The following NBPF26 variants were observed in gnomAD, a reference collection of about 807,000 sequenced individuals.
NBPF26 encodes the protein NBPF member 26, also known as NBPF family member NBPF26.
Under a neutral mutation model 119.6 loss-of-function variants are expected in NBPF26, and 79 were observed. The ratio of observed to expected loss-of-function variants is 0.66; its 90% CI spans 0.55 to 0.80. The LOEUF (loss-of-function observed/expected upper bound fraction) is 0.80, where lower values mean the gene tolerates loss of function less well. NBPF26 is among the 30% of genes least tolerant of loss of function. The pLI, the probability that NBPF26 is intolerant of heterozygous loss-of-function variation, is 0.00. For synonymous variants in NBPF26, 299 were observed against 457.7 expected (o/e 0.65, Z 4.43); for missense variants, 800 against 1,198.2 (o/e 0.67, Z 4.91).
rs1482654760 is a variant in NBPF26 at position 120,810,619 on chromosome 1, G to A, written c.1564+61G>A. On this transcript the variant is annotated intron_variant, in intron 9 of 29. Transcript: ENST00000620612. ...CTAGGCTATGGAAGGTCAATTCTGA[G>A]GACAGGCTGTATATACACATATTGT... 5.6e-4 allele frequency: 757 copies of A among 1,343,550 alleles called. 62 individuals are homozygous for A. The highest frequency in any genetic ancestry group is 7.3e-4 in the Non-Finnish European group (725 of 989,360). 83.2% of individuals were successfully genotyped at this position (1,343,550 alleles called of 1,614,324 possible).
At chr1:120,812,964 A>C (rs1203207877) in intron 10 of NBPF26, among the ~76,000 whole-genome samples, 1 of 117,704 alleles carries the variant, frequency 8.5e-6, no homozygotes. Context: ...TAATAAATAA[A>C]AATAAGAATA....
At chr1:120,779,998 C>T (rs1651344641) in intron 2 of NBPF26, among the ~76,000 whole-genome samples, 1 of 131,592 alleles carries the variant, frequency 7.6e-6, no homozygotes, top group East Asian at 2.0e-4. Context: ...CTCAGGATGA[C>T]TATTAGGTTG....
At position 120,807,417 on chromosome 1, in the gene NBPF26, C is replaced by T. The variant is rs1413791952; in HGVS notation, c.962-190C>T. On this transcript the variant is annotated intron_variant, in intron 5 of 29. Coordinates refer to ENST00000620612, the Ensembl canonical transcript of NBPF26. ...CGCCCTTGAGTTTCTCTTTCTTCGT[C>T]TTTAAATTTTGGAGGATCAGATGCC... is the stretch of plus-strand genomic sequence containing the variant. Among the ~76,000 whole-genome samples the T allele has an allele frequency of 1.6e-4, 20 of 122,342 alleles. 2 individuals are homozygous for T. The highest frequency in any genetic ancestry group is 3.1e-4 in the Non-Finnish European group (19 of 60,844). 80.3% of individuals were successfully genotyped at this position (122,342 alleles called of 152,430 possible). A position where few individuals can be genotyped will look rare whatever the true frequency, so the allele number is the denominator to read the frequency against.
chr1:120,813,676 T>C (rs1185915150), intron 10 of NBPF26, among the ~76,000 whole-genome samples: 1 of 129,230 alleles, frequency 7.7e-6, no homozygotes, highest in Non-Finnish European at 1.6e-5. Flanking sequence ...TTCCTTGATG[T>C]GCCCTTGAGG....
At chr1:120,814,405 C>G (rs1159156169) in intron 11 of NBPF26, among the ~76,000 whole-genome samples, 1 of 107,912 alleles carries the variant, frequency 9.3e-6, no homozygotes, top group Non-Finnish European at 1.7e-5. Context: ...CCCTGTCATT[C>G]TTTTCTTCTT....
rs1418368347 is a variant in NBPF26, at chr1:120,726,346, T to C, written c.73+2096T>C. On this transcript the variant is annotated intron_variant, in intron 1 of 29. Coordinates refer to ENST00000620612, the Ensembl canonical transcript of NBPF26. ...TAGAAGAGATTTAGAAGCCGTTTCT[T>C]GGTACAAATCTTAAATCTTCTTAGA... Among the ~76,000 whole-genome samples the C allele has an allele frequency of 2.0e-4, 6 of 30,566 alleles. 2 individuals are homozygous for C. Among genetic ancestry groups the C allele is most frequent in the Non-Finnish European group, 2.9e-4 (5 of 17,132 alleles). The allele number at this position is 30,566 out of a possible 152,430, so 20.1% of individuals were successfully genotyped here. A position where few individuals can be genotyped will look rare whatever the true frequency, so the allele number is the denominator to read the frequency against.
chr1:120,812,947 A>T (rs1651907468), intron 10 of NBPF26, among the ~76,000 whole-genome samples: 2 of 117,816 alleles, frequency 1.7e-5, no homozygotes, highest in South Asian at 4.9e-4. Flanking sequence ...AATAATAATA[A>T]TAATAATAAT....
At chr1:120,724,324 T>A (rs1650790581) in intron 1 of NBPF26, 74 bp downstream of exon 1, 3 of 1,361,032 alleles carry the variant, frequency 2.2e-6, no homozygotes, top group Non-Finnish European at 2.9e-6. Context: ...TCCCCCTCAG[T>A]CCTTCTCTGT....
In NBPF26 at chr1:120,724,333, G is replaced by A. The variant is rs1326258544; in HGVS notation, c.73+83G>A. Reference sequence around the variant, plus strand: ...CCCTTCTCCCCCTCAGTCCTTCTCTGTGTGGGAAGGCCAGGCTCGGCCGCC... The same window carrying A: ...CCCTTCTCCCCCTCAGTCCTTCTCTATGTGGGAAGGCCAGGCTCGGCCGCC... On this transcript the variant is annotated intron_variant, in intron 1 of 29. Transcript: ENST00000620612. 13 of 1,359,236 alleles carry A rather than the reference G, an allele frequency of 9.6e-6. 5 individuals are homozygous for A. In the East Asian group the frequency reaches 1.8e-4, roughly 19 times the overall value. 84.2% of individuals were successfully genotyped at this position (1,359,236 alleles called of 1,614,324 possible). A position where few individuals can be genotyped will look rare whatever the true frequency, so the allele number is the denominator to read the frequency against.
rs1358142813 is a variant in NBPF26, at chr1:120,756,067, A to AT, written c.74-7552dup. 2.2e-4 allele frequency among the ~76,000 whole-genome samples: 24 copies of AT among 108,036 alleles called. 4 individuals are homozygous for AT. The highest frequency in any genetic ancestry group is 3.1e-4 in the Non-Finnish European group (18 of 57,994). 70.9% of individuals were successfully genotyped at this position (108,036 alleles called of 152,430 possible). On this transcript the variant is annotated intron_variant, in intron 1 of 29. Transcript: ENST00000620612. ...TTCCGCACTTCTTCTGTTTGTTTGGATTTTTTTTTCATGGCTTGATCCCAA... is the reference window on the plus strand; with the variant it reads ...TTCCGCACTTCTTCTGTTTGTTTGGATTTTTTTTTTCATGGCTTGATCCCAA...
At chr1:120,842,010 T>C (rs1652528957), downstream of NBPF26, among the ~76,000 whole-genome samples, 1 of 88,808 alleles carries the variant, frequency 1.1e-5, no homozygotes, top group Non-Finnish European at 2.0e-5. Flanking sequence ...TTGTTTTTAC[T>C]AGTGTCTGCT....
At chr1:120,781,644 A>G (rs1159890719) in intron 2 of NBPF26, among the ~76,000 whole-genome samples, 1 of 61,994 alleles carries the variant, frequency 1.6e-5, no homozygotes, top group Non-Finnish European at 2.8e-5. Context: ...GCTCACTGCA[A>G]CCTCCAACTT....
At chr1:120,810,987 T>A (rs1651847323) in intron 9 of NBPF26, among the ~76,000 whole-genome samples, 1 of 105,346 alleles carries the variant, frequency 9.5e-6, no homozygotes, top group Admixed American at 9.1e-5. Flanking sequence ...ACACCTGTAA[T>A]CCGAGCACTT....
chr1:120,815,413 A>T (rs1442742037), intron 12 of NBPF26, among the ~76,000 whole-genome samples: 1 of 112,804 alleles, frequency 8.9e-6, no homozygotes, highest in Non-Finnish European at 1.7e-5. Context: ...TAACTGTCAG[A>T]GAGTGAATGA....
chr1:120,784,310 A>T (rs1651398519), intron 2 of NBPF26, among the ~76,000 whole-genome samples: 1 of 117,362 alleles, frequency 8.5e-6, no homozygotes, highest in Admixed American at 8.2e-5. Context: ...ATATGTAAGT[A>T]TTATCCCATT....
chr1:120,767,689 GT>G lies in NBPF26; in HGVS notation c.155+3981del, dbSNP rs1239235574. ...TCTTTCCCTTGTCCTACTGGGAGGT[GT>G]AAATATGTAATTAAATTTGATGTCA... On this transcript the variant is annotated intron_variant, in intron 2 of 29. Transcript: ENST00000620612. Among the ~76,000 whole-genome samples, 2 of 110,956 alleles carry G rather than the reference GT, an allele frequency of 1.8e-5. 1 individual carries two copies. The highest frequency in any genetic ancestry group is 1.1e-4 in the African/African-American group (2 of 17,944). The allele number at this position is 110,956 out of a possible 152,430, so 72.8% of individuals were successfully genotyped here. A position where few individuals can be genotyped will look rare whatever the true frequency, so the allele number is the denominator to read the frequency against.
At chr1:120,820,450 ATATATATATATATAT>A (rs1652107549) in intron 15 of NBPF26, among the ~76,000 whole-genome samples, 1 of 7,724 alleles carries the variant, frequency 1.3e-4, no homozygotes, top group East Asian at 2.0e-3. Flanking sequence ...TATTAAAAAT[ATATATATATATATAT>A]ATATATATAT....
rs1219161870 is a variant in NBPF26, at chr1:120,810,804, A to T, written c.1564+246A>T. On this transcript the variant is annotated intron_variant, in intron 9 of 29. Coordinates refer to ENST00000620612, the Ensembl canonical transcript of NBPF26. Reference sequence around the variant, plus strand: ...CCCATCTTTACAAAGAATACAAAAAATTAGGCAGGCATGGTGCTGCATGCC... The same window carrying T: ...CCCATCTTTACAAAGAATACAAAAATTTAGGCAGGCATGGTGCTGCATGCC... Among the ~76,000 whole-genome samples the T allele has an allele frequency of 2.7e-5, 3 of 110,288 alleles. 1 individual carries two copies. Among genetic ancestry groups the T allele is most frequent in the Admixed American group, 1.7e-4 (2 of 11,712 alleles). The allele number at this position is 110,288 out of a possible 152,430, so 72.4% of individuals were successfully genotyped here.
In NBPF26 at chr1:120,728,789, G is replaced by A. The variant is rs1230452953; in HGVS notation, c.73+4539G>A. On this transcript the variant is annotated intron_variant, in intron 1 of 29. Coordinates refer to ENST00000620612, the Ensembl canonical transcript of NBPF26. The stretch of plus-strand genomic sequence containing the variant: ...AACTTGTACTGGATTGAGAGAATAT[G>A]TACATTTAGTAAAGTATATTTGCTT... Among the ~76,000 whole-genome samples, 2 of 113,006 alleles carry A rather than the reference G, an allele frequency of 1.8e-5. 1 individual carries two copies. The highest frequency in any genetic ancestry group is 1.1e-4 in the African/African-American group (2 of 18,904). The allele number at this position is 113,006 out of a possible 152,430, so 74.1% of individuals were successfully genotyped here.
Sources: allele counts gnomAD v4.1 joint callset (sites outside exome capture counted in the v4.1 genomes callset), GRCh38; gene constraint gnomAD v4.1.1; transcripts MANE v1.5; gene names NCBI Gene and HGNC (gene_info 2026-07-23, HGNC 2026-07-21).